Variants in LRP6 observed in about 807,000 individuals in gnomAD.
LRP6 encodes the protein low-density lipoprotein receptor-related protein 6.
In LRP6, 43 loss-of-function variants were observed where a neutral mutation model predicts 184.1. That is an observed-to-expected ratio of 0.23 (90% confidence interval 0.18 to 0.30). LRP6 has a LOEUF of 0.30. LRP6 is among the 10% of genes least tolerant of loss of function. The probability of loss-of-function intolerance (pLI) is 1.00; values close to 1 mark genes in which losing one functional copy is unlikely to be tolerated. For synonymous variants in LRP6, 719 were observed against 684.9 expected, an observed-to-expected ratio of 1.05 and a Z score of -0.78; for missense variants, 1,571 against 2,005.3, an observed-to-expected ratio of 0.78 and a Z score of 4.14.
chr12:12,266,792 G>C lies in LRP6; in HGVS notation c.-57C>G, dbSNP rs1322274643. 13 of 1,465,488 alleles carry C rather than the reference G, an allele frequency of 8.9e-6. No individual in the cohort carries two copies. Among genetic ancestry groups the C allele is most frequent in the Non-Finnish European group, 1.2e-5 (13 of 1,061,044 alleles). 90.8% of individuals were successfully genotyped at this position (1,465,488 alleles called of 1,614,324 possible). A position where few individuals can be genotyped will look rare whatever the true frequency, so the allele number is the denominator to read the frequency against. On this transcript the variant is annotated 5_prime_UTR_variant, in exon 1 of 23. Coordinates refer to ENST00000261349, the MANE Select transcript of LRP6 (RefSeq NM_002336.3). Reference sequence around the variant, plus strand: ...CGAGGGGTGGCCAGAAGTGGGGGAGGCGAGGAGCCGGGGCGGCCGCCGCAG... The same window carrying C: ...CGAGGGGTGGCCAGAAGTGGGGGAGCCGAGGAGCCGGGGCGGCCGCCGCAG...
chr12:12,242,691 GA>G (rs1478215408), intron 2 of LRP6, among the ~76,000 whole-genome samples: 5 of 152,206 alleles, frequency 3.3e-5, no homozygotes, highest in African/African-American at 1.2e-4. Flanking sequence ...CCTACGATCA[GA>G]GCCACTACAA....
At chr12:12,171,123 T>C (rs909001443) in intron 7 of LRP6, among the ~76,000 whole-genome samples, 6 of 152,214 alleles carry the variant, frequency 3.9e-5, no homozygotes, top group African/African-American at 1.4e-4. Flanking sequence ...TTCTATACTC[T>C]GACATTTTCC....
At chr12:12,136,271 T>C (rs1249015899) in intron 16 of LRP6, among the ~76,000 whole-genome samples, 1 of 152,176 alleles carries the variant, frequency 6.6e-6, no homozygotes, top group Non-Finnish European at 1.5e-5. Flanking sequence ...TTCTCCTATA[T>C]TAAGATTTTT....
intron 19 of LRP6, among the ~76,000 whole-genome samples, chr12:12,127,370 T>C (rs1369116235): frequency 6.6e-6 from 1 of 152,210 alleles, no homozygotes; most frequent in Non-Finnish European, 1.5e-5. Context: ...ATGTTTTACC[T>C]GGAATGGTGA....
rs146224493 is a variant in LRP6, at chr12:12,199,964, C to CAAAAAA, written c.647+3233_647+3238dup. On this transcript the variant is annotated intron_variant, in intron 3 of 22. Coordinates refer to ENST00000261349, the MANE Select transcript of LRP6 (RefSeq NM_002336.3). The stretch of plus-strand genomic sequence containing the variant: ...TGGGCAACAGAGCGAGACTCCATCT[C>CAAAAAA]AAAAAAAAAAAAAAAAAAAAAAAAA... Among the ~76,000 whole-genome samples, 14 of 45,200 alleles carry CAAAAAA rather than the reference C, an allele frequency of 3.1e-4. 1 individual carries two copies. Among genetic ancestry groups the CAAAAAA allele is most frequent in the African/African-American group, 1.4e-3 (14 of 10,262 alleles). 29.7% of individuals were successfully genotyped at this position (45,200 alleles called of 152,430 possible).
At chr12:12,213,859 T>C (rs1297278655) in intron 2 of LRP6, among the ~76,000 whole-genome samples, 1 of 152,198 alleles carries the variant, frequency 6.6e-6, no homozygotes, top group African/African-American at 2.4e-5. Flanking sequence ...ATTAGCTCTA[T>C]TAATACCAGT....
chr12:12,212,559 T>C (rs1284693527), intron 2 of LRP6, among the ~76,000 whole-genome samples: 14 of 152,170 alleles, frequency 9.2e-5, no homozygotes, highest in Admixed American at 9.2e-4. Context: ...CTGTCCTTTG[T>C]GTCCCCACCA....
chr12:12,225,786 C>T lies in LRP6; in HGVS notation c.449+18476G>A, dbSNP rs565090113. On this transcript the variant is annotated intron_variant, in intron 2 of 22. Transcript: ENST00000261349. ...ACTCAGGAGGCAGAAGCAGGAGAAT[C>T]GCTTGAACCCGGGAGGCAGAGGTTG... Among the ~76,000 whole-genome samples, 6 of 151,662 alleles carry T rather than the reference C, an allele frequency of 4.0e-5. No individual in the cohort carries two copies. The East Asian group carries it at 1.2e-3, about 29-fold the overall frequency.
In LRP6 at chr12:12,247,511, CTTT is replaced by C. The variant is rs997280175; in HGVS notation, c.56-2859_56-2857del. Among the ~76,000 whole-genome samples the C allele has an allele frequency of 5.9e-5, 9 of 152,238 alleles. No individual in the cohort carries two copies. In the East Asian group the frequency reaches 1.7e-3, roughly 29 times the overall value. The stretch of plus-strand genomic sequence containing the variant: ...AACGGGTGAAGGAGGCAAAGTTAAT[CTTT>C]TTTAAGTTAGCAATACTGGTTACAA... On this transcript the variant is annotated intron_variant, in intron 1 of 22. Coordinates refer to ENST00000261349, the MANE Select transcript of LRP6 (RefSeq NM_002336.3).
intron 1 of LRP6, among the ~76,000 whole-genome samples, chr12:12,249,833 T>A (rs1865283036): frequency 6.6e-6 from 1 of 152,110 alleles, no homozygotes; most frequent in African/African-American, 2.4e-5. Context: ...TTGTTGGCCA[T>A]CTCTACCTCC....
chr12:12,176,235 A>G (rs189656382), intron 7 of LRP6, among the ~76,000 whole-genome samples: 1 of 152,350 alleles, frequency 6.6e-6, no homozygotes, highest in Non-Finnish European at 1.5e-5. Context: ...TACTGTGCAG[A>G]CAAGTAAACT....
intron 7 of LRP6, among the ~76,000 whole-genome samples, chr12:12,176,719 C>T (rs1040999750): frequency 2.0e-5 from 3 of 152,134 alleles, no homozygotes; most frequent in Admixed American, 2.0e-4. Context: ...GAGACTTTCC[C>T]ATGTGATCCA....
intron 3 of LRP6, among the ~76,000 whole-genome samples, chr12:12,188,436 A>G (rs956676664): frequency 6.6e-6 from 1 of 152,124 alleles, no homozygotes; most frequent in Non-Finnish European, 1.5e-5. Flanking sequence ...AGAGAAATTA[A>G]AAGTATCATA....
Position 12,266,823 on chromosome 12 carries a change from G to A in LRP6, c.-88C>T, listed in dbSNP as rs1592001915. The A allele has an allele frequency of 5.7e-6, 6 of 1,047,398 alleles. No individual in the cohort carries two copies. In the South Asian group the frequency reaches 6.6e-5, roughly 11 times the overall value. The allele number at this position is 1,047,398 out of a possible 1,614,324, so 64.9% of individuals were successfully genotyped here. A position where few individuals can be genotyped will look rare whatever the true frequency, so the allele number is the denominator to read the frequency against. On this transcript the variant is annotated 5_prime_UTR_variant, in exon 1 of 23. Coordinates refer to ENST00000261349, the MANE Select transcript of LRP6 (RefSeq NM_002336.3). ...AGCCGGGGCGGCCGCCGCAGCGGCAGGGCTGCACGCTCATACTTCCCAGCT... is the reference window on the plus strand; with the variant it reads ...AGCCGGGGCGGCCGCCGCAGCGGCAAGGCTGCACGCTCATACTTCCCAGCT...
chr12:12,202,306 GC>G (rs1469551285), intron 3 of LRP6, among the ~76,000 whole-genome samples: 1 of 152,216 alleles, frequency 6.6e-6, no homozygotes, highest in East Asian at 1.9e-4. Context: ...ACTTTCGGAG[GC>G]CGAGGCCGGT....
At chr12:12,222,392 C>T (rs1474926036) in intron 2 of LRP6, among the ~76,000 whole-genome samples, 1 of 151,750 alleles carries the variant, frequency 6.6e-6, no homozygotes, top group Non-Finnish European at 1.5e-5. Flanking sequence ...ATGGTGAAAC[C>T]TCATCTCTAC....
intron 1 of LRP6, among the ~76,000 whole-genome samples, chr12:12,262,557 CAAAA>C (rs57218812): frequency 0.016 from 1,156 of 74,484 alleles, 8 homozygotes; most frequent in African/African-American, 0.056. Flanking sequence ...GACTCCGTCT[CAAAA>C]AAAAAAAAAA....
At chr12:12,240,817 C>A (rs1490910318) in intron 2 of LRP6, among the ~76,000 whole-genome samples, 1 of 152,144 alleles carries the variant, frequency 6.6e-6, no homozygotes, top group Non-Finnish European at 1.5e-5. Context: ...TGGAATCAGA[C>A]TGAGGGGCTC....
intron 2 of LRP6, among the ~76,000 whole-genome samples, chr12:12,218,273 G>A (rs1864398459): frequency 6.6e-6 from 1 of 151,994 alleles, no homozygotes; most frequent in Admixed American, 6.6e-5. Flanking sequence ...AGGAGTTCAA[G>A]ACCAGCCTGG....
Sources: allele counts gnomAD v4.1 joint callset (sites outside exome capture counted in the v4.1 genomes callset), GRCh38; gene constraint gnomAD v4.1.1; transcripts MANE v1.5; gene names NCBI Gene and HGNC (gene_info 2026-07-23, HGNC 2026-07-21).